The following HGF variants were observed in gnomAD, a reference collection of about 807,000 sequenced individuals.
The protein encoded by HGF is hepatocyte growth factor, also known as fibroblast-derived tumor cytotoxic factor.
In HGF, 39 loss-of-function variants were observed where a neutral mutation model predicts 111.6. That is an observed-to-expected ratio of 0.35 (90% CI 0.27 to 0.46). The LOEUF is 0.46. Among genes scored for constraint, HGF ranks in the 20% least tolerant of loss-of-function variants. The pLI, the probability that HGF is intolerant of heterozygous loss-of-function variation, is 1.00. For synonymous variants in HGF, 285 were observed against 294.8 expected (o/e 0.97, Z 0.34); for missense variants, 735 against 910.5 (o/e 0.81, Z 2.48).
intron 5 of HGF, among the ~76,000 whole-genome samples, chr7:81,747,957 A>G (rs1030549530): frequency 3.9e-5 from 6 of 152,184 alleles, no homozygotes; most frequent in Non-Finnish European, 7.3e-5. Context: ...ACAAAAAACA[A>G]AAACAAACAA....
At chr7:81,711,628 T>C in intron 11 of HGF, 109 bp from the exon 12 acceptor site, 1 of 536,668 alleles carries the variant, frequency 1.9e-6, no homozygotes, top group Non-Finnish European at 3.3e-6. Flanking sequence ...AGTAATTTAC[T>C]AAAATTTTTG....
rs755769315 is a variant in HGF at position 81,710,130 on chromosome 7, C to T, written c.1541+17G>A. On this transcript the variant is annotated intron_variant, in intron 13 of 17. Coordinates refer to ENST00000222390, the MANE Select transcript of HGF (RefSeq NM_000601.6). ...ACATATTCTGGATATGCATGACTTG[C>T]ATCTATTAATAATTACCTGTATCTC... 2 of 1,458,256 alleles carry T rather than the reference C, an allele frequency of 1.4e-6. No homozygotes were observed. Among genetic ancestry groups the T allele is most frequent in the East Asian group, 4.5e-5 (2 of 44,122 alleles). The allele number at this position is 1,458,256 out of a possible 1,614,324, so 90.3% of individuals were successfully genotyped here. A position where few individuals can be genotyped will look rare whatever the true frequency, so the allele number is the denominator to read the frequency against.
At chr7:81,722,632 G>A (rs567583805) in intron 9 of HGF, among the ~76,000 whole-genome samples, 1 of 150,144 alleles carries the variant, frequency 6.7e-6, no homozygotes, top group African/African-American at 2.4e-5. Context: ...GGTCAACATG[G>A]TGAAACCCCA....
At position 81,743,421 on chromosome 7, in the gene HGF, T is replaced by C; in HGVS notation, c.797A>G (p.Gln266Arg). The C allele has an allele frequency of 6.2e-7, 1 of 1,613,912 alleles. No homozygotes were observed. The change falls in exon 7 of 18, where the codon CAG becomes CGG. Residue 266 changes from glutamine (Q) to arginine (R), a missense_variant. Around this residue, in one of 3 missense-constraint regions of HGF, gnomAD observed 553 missense variants for 685.6 expected, o/e 0.81. Transcript: ENST00000222390. The stretch of plus-strand genomic sequence containing the variant: ...AAGAGTATAGCACCATGGCCTCGGC[T>C]GGCCATCGGGATTGCGGCAATAATT... ...DDNYCRNPDG[Q>R]PRPWCYTLDP...
intron 17 of HGF, among the ~76,000 whole-genome samples, chr7:81,704,155 C>T (rs1789360764): frequency 6.6e-6 from 1 of 151,644 alleles, no homozygotes; most frequent in Non-Finnish European, 1.5e-5. Context: ...GCGGAATCTA[C>T]TTGAGGTCAA....
At chr7:81,737,822 C>T (rs1362365823) in intron 7 of HGF, among the ~76,000 whole-genome samples, 1 of 152,040 alleles carries the variant, frequency 6.6e-6, no homozygotes, top group African/African-American at 2.4e-5. Flanking sequence ...ATATAATCCA[C>T]ACAGATAATT....
At chr7:81,753,783 T>G (rs1228731791) in intron 4 of HGF, among the ~76,000 whole-genome samples, 1 of 152,014 alleles carries the variant, frequency 6.6e-6, no homozygotes, top group Admixed American at 6.6e-5. Context: ...TTAACTAGCA[T>G]TCCTCATATG....
intron 9 of HGF, among the ~76,000 whole-genome samples, chr7:81,722,638 C>T (rs1448092364): frequency 2.7e-5 from 4 of 149,974 alleles, no homozygotes; most frequent in Non-Finnish European, 4.4e-5. Flanking sequence ...CATGGTGAAA[C>T]CCCATTTCTA....
intron 6 of HGF, 109 bp from the exon 7 acceptor site, chr7:81,743,580 AAG>A: frequency 1.3e-6 from 1 of 795,044 alleles, no homozygotes; most frequent in Admixed American, 1.7e-5. Flanking sequence ...TAGCTGGGGA[AAG>A]AGGACGTTTT....
intron 7 of HGF, among the ~76,000 whole-genome samples, chr7:81,730,689 C>G (rs5745679): frequency 0.82 from 125,116 of 152,060 alleles, 51,949 homozygotes; most frequent in African/African-American, 0.93. Flanking sequence ...CTCTCTCTCT[C>G]TGTAATGTTT....
At chr7:81,757,807 A>T (rs1484662338) in intron 3 of HGF, among the ~76,000 whole-genome samples, 12 of 151,932 alleles carry the variant, frequency 7.9e-5, no homozygotes, top group Admixed American at 7.9e-4. Context: ...TGCTGATAGG[A>T]CAACCAAATT....
Position 81,756,687 on chromosome 7 carries a change from G to A in HGF, c.482+502C>T, listed in dbSNP as rs536441713. On this transcript the variant is annotated intron_variant, in intron 4 of 17. Transcript: ENST00000222390. Reference sequence around the variant, plus strand: ...TGGTGGGAGCTCAAAAAATACTGGTGCCCTATTCTCCCCAGAGATTCTGAT... The same window carrying A: ...TGGTGGGAGCTCAAAAAATACTGGTACCCTATTCTCCCCAGAGATTCTGAT... The A allele has an allele frequency of 2.3e-4, 37 of 159,768 alleles. 1 individual carries two copies. In the South Asian group the frequency reaches 6.2e-3, roughly 27 times the overall value. The allele number at this position is 159,768 out of a possible 1,614,324, so 9.9% of individuals were successfully genotyped here.
At chr7:81,745,663 T>A (rs1472931810) in intron 5 of HGF, among the ~76,000 whole-genome samples, 1 of 152,208 alleles carries the variant, frequency 6.6e-6, no homozygotes, top group Non-Finnish European at 1.5e-5. Context: ...CGGATATTTT[T>A]AAAAAATAAA....
In HGF at chr7:81,701,930, T is replaced by C. The variant is rs1789290488; in HGVS notation, c.*651A>G. 6.2e-6 allele frequency: 1 copy of C among 160,800 alleles called. No individual in the cohort carries two copies. The highest frequency in any genetic ancestry group is 1.4e-5 in the Non-Finnish European group (1 of 73,170). 10.0% of individuals were successfully genotyped at this position (160,800 alleles called of 1,614,324 possible). On this transcript the variant is annotated 3_prime_UTR_variant, in exon 18 of 18. Transcript: ENST00000222390. ...TGGTCTTTAGAGATTTCTGGTTTTT[T>C]TGAGGTAAAACTATAGGTACATACT...
chr7:81,728,256 A>T (rs1382443136), intron 8 of HGF, among the ~76,000 whole-genome samples: 1 of 152,260 alleles, frequency 6.6e-6, no homozygotes, highest in Non-Finnish European at 1.5e-5. Flanking sequence ...AACAAAATTA[A>T]GAAAAGATGG....
rs1788532657 is a variant in HGF at position 81,752,110 on chromosome 7, G to A, written c.625+10C>T. The stretch of plus-strand genomic sequence containing the variant: ...ATAGAATGGCCCACATGGCATTCAG[G>A]TTTATTTACCTTCTGAACACTGAGG... On this transcript the variant is annotated intron_variant, in intron 5 of 17. Coordinates refer to ENST00000222390, the MANE Select transcript of HGF (RefSeq NM_000601.6). 6.2e-7 allele frequency: 1 copy of A among 1,613,378 alleles called. No homozygotes were observed. Among genetic ancestry groups the A allele is most frequent in the Non-Finnish European group, 8.5e-7 (1 of 1,179,426 alleles).
chr7:81,747,861 A>G (rs1469021647), intron 5 of HGF, among the ~76,000 whole-genome samples: 1 of 152,070 alleles, frequency 6.6e-6, no homozygotes, highest in East Asian at 1.9e-4. Flanking sequence ...TGAACCCAGG[A>G]GGTGGAGGCT....
intron 15 of HGF, 83 bp downstream of exon 15, chr7:81,706,203 AG>A (rs1196498107): frequency 8.4e-7 from 1 of 1,191,184 alleles, no homozygotes; most frequent in Non-Finnish European, 1.3e-6. Context: ...TGTATGAGAG[AG>A]AACGAACTGC....
chr7:81,719,030 C>G (rs577805857), intron 10 of HGF, among the ~76,000 whole-genome samples: 4 of 152,250 alleles, frequency 2.6e-5, no homozygotes, highest in Admixed American at 2.6e-4. Flanking sequence ...TTACAAGACT[C>G]TCTATATGGT....
Sources: gnomAD v4.1 joint callset for allele counts (sites outside exome capture counted in the v4.1 genomes callset) on GRCh38, gnomAD v4.1.1 for gene constraint, gnomAD v4.1.1 regional missense constraint, MANE v1.5 for transcripts, NCBI Gene and HGNC (gene_info 2026-07-23, HGNC 2026-07-21) for gene names.